Variants in ANKIB1 observed in about 807,000 individuals in gnomAD.
The protein encoded by ANKIB1 is ankyrin repeat and IBR domain containing 1.
In ANKIB1, 43 loss-of-function variants were observed where a neutral mutation model predicts 122.1. The ratio of observed to expected loss-of-function variants is 0.35; its 90% confidence interval spans 0.28 to 0.45. The LOEUF is 0.45. ANKIB1 is among the 20% of genes least tolerant of loss of function. The pLI is 1.00. For synonymous variants in ANKIB1, 390 were observed against 442.0 expected (o/e 0.88, Z 1.48); for missense variants, 992 against 1,329.5 (o/e 0.75, Z 3.95).
chr7:92,277,439 A>G (rs757450445), intron 1 of ANKIB1, among the ~76,000 whole-genome samples: 1 of 152,198 alleles, frequency 6.6e-6, no homozygotes, highest in Non-Finnish European at 1.5e-5. Flanking sequence ...TAACCCCATC[A>G]TAAGTCGAGG....
At chr7:92,260,225 T>C (rs922333578) in intron 1 of ANKIB1, among the ~76,000 whole-genome samples, 37 of 152,218 alleles carry the variant, frequency 2.4e-4, no homozygotes, top group Admixed American at 2.2e-3. Flanking sequence ...CCTACTAGTT[T>C]CTTCCTTACT....
intron 2 of ANKIB1, among the ~76,000 whole-genome samples, chr7:92,306,266 G>T (rs963931365): frequency 6.6e-6 from 1 of 152,072 alleles, no homozygotes; most frequent in African/African-American, 2.4e-5. Context: ...TGGCAGCACT[G>T]CATTCCTTTT....
chr7:92,292,792 A>G (rs1802278126), intron 1 of ANKIB1, among the ~76,000 whole-genome samples: 1 of 152,256 alleles, frequency 6.6e-6, no homozygotes, highest in Non-Finnish European at 1.5e-5. Context: ...ATATGCATAC[A>G]TATTTTATAC....
chr7:92,340,474 A>G (rs1803414022), intron 5 of ANKIB1, among the ~76,000 whole-genome samples: 1 of 152,250 alleles, frequency 6.6e-6, no homozygotes, highest in African/African-American at 2.4e-5. Flanking sequence ...GAAAGGATAT[A>G]TAATTCATTA....
intron 3 of ANKIB1, among the ~76,000 whole-genome samples, chr7:92,314,771 G>A (rs1422080263): frequency 6.6e-6 from 1 of 152,150 alleles, no homozygotes; most frequent in Non-Finnish European, 1.5e-5. Flanking sequence ...AGAAACCTCA[G>A]ACCAATAAAA....
chr7:92,348,150 GTCT>G (rs1803580172), intron 7 of ANKIB1: 1 of 276,064 alleles, frequency 3.6e-6, no homozygotes, highest in African/African-American at 2.3e-5. Context: ...CTTCAATGAG[GTCT>G]TCTCAGTTCT....
At chr7:92,391,138 A>AT (rs530415288) in intron 15 of ANKIB1, 28 bp from the exon 16 acceptor site, 75,538 of 949,470 alleles carry the variant, frequency 0.08, no homozygotes, top group South Asian at 0.099. Flanking sequence ...GAAGCCTGTG[A>AT]TTTTTTTTTT....
intron 11 of ANKIB1, among the ~76,000 whole-genome samples, chr7:92,386,292 T>A (rs546522665): frequency 6.6e-5 from 10 of 152,304 alleles, no homozygotes; most frequent in African/African-American, 1.9e-4. Context: ...TTTTAATATA[T>A]CCCTATAAAC....
intron 1 of ANKIB1, among the ~76,000 whole-genome samples, chr7:92,258,073 C>T (rs145556903): frequency 2.3e-4 from 35 of 152,058 alleles, no homozygotes; most frequent in African/African-American, 6.3e-4. Context: ...TATGATATTC[C>T]GATTTGAAAA....
intron 9 of ANKIB1, 27 bp downstream of exon 9, chr7:92,352,669 C>T (rs1222155156): frequency 1.9e-6 from 3 of 1,573,420 alleles, no homozygotes; most frequent in East Asian, 4.5e-5. Flanking sequence ...TTGGAATCAG[C>T]CTAATCACCT....
intron 1 of ANKIB1, among the ~76,000 whole-genome samples, chr7:92,278,183 C>A (rs1403554309): frequency 6.6e-6 from 1 of 151,802 alleles, no homozygotes; most frequent in Non-Finnish European, 1.5e-5. Flanking sequence ...CCCAGGAGTT[C>A]AAGGTTTCAG....
intron 1 of ANKIB1, among the ~76,000 whole-genome samples, chr7:92,291,581 T>C (rs1562772833): frequency 6.8e-6 from 1 of 147,478 alleles, no homozygotes; most frequent in Non-Finnish European, 1.5e-5. Context: ...TTTTTTTTTT[T>C]TTTTTTTGAG....
intron 11 of ANKIB1, among the ~76,000 whole-genome samples, chr7:92,381,261 A>T (rs1804507281): frequency 6.6e-6 from 1 of 152,196 alleles, no homozygotes; most frequent in South Asian, 2.1e-4. Flanking sequence ...AAATATACGT[A>T]CAATTGGTGT....
At chr7:92,390,270 A>T (rs1214429923) in intron 15 of ANKIB1, among the ~76,000 whole-genome samples, 154 bp downstream of exon 15, 7 of 152,216 alleles carry the variant, frequency 4.6e-5, no homozygotes, top group Non-Finnish European at 8.8e-5. Flanking sequence ...AGGAAAAGTT[A>T]CCAGTAACAA....
At chr7:92,270,819 A>C (rs1402267343) in intron 1 of ANKIB1, among the ~76,000 whole-genome samples, 1 of 146,468 alleles carries the variant, frequency 6.8e-6, no homozygotes, top group African/African-American at 2.5e-5. Context: ...TGCATTCAGC[A>C]TGATACCTTT....
chr7:92,354,521 A>G (rs147730842), intron 9 of ANKIB1, among the ~76,000 whole-genome samples: 15 of 152,346 alleles, frequency 9.8e-5, no homozygotes, highest in Non-Finnish European at 1.9e-4. Context: ...CCAGAGAGGA[A>G]GAGACTTAAA....
At chr7:92,285,430 G>C (rs1199858574) in intron 1 of ANKIB1, among the ~76,000 whole-genome samples, 2 of 152,096 alleles carry the variant, frequency 1.3e-5, no homozygotes, top group Non-Finnish European at 2.9e-5. Context: ...TTTTTATATT[G>C]GTGGACGTTT....
intron 1 of ANKIB1, among the ~76,000 whole-genome samples, chr7:92,291,657 A>G (rs1802253542): frequency 6.7e-6 from 1 of 150,066 alleles, no homozygotes. Context: ...GCTCGCTGCA[A>G]GCTCCACCTC....
At position 92,307,457 on chromosome 7, in the gene ANKIB1, A is replaced by G. The variant is rs753894913; in HGVS notation, c.287A>G (p.Glu96Gly). The stretch of plus-strand genomic sequence containing the variant: ...ATGGGACCTCAAATTATGATATCTG[A>G]AGGAGCCCTTCATCCTCGCTTGGCA... Reference protein sequence around the residue: ...LCMGPQIMISEGALHPRLARP... With the variant: ...LCMGPQIMISGGALHPRLARP... The change falls in exon 3 of 20, where the codon GAA (glutamate) becomes GGA (glycine). Residue 96 changes from glutamate to glycine, a missense_variant. Glu to Gly is a moderately conservative substitution (Grantham distance 98). Coordinates refer to ENST00000265742, the MANE Select transcript of ANKIB1 (RefSeq NM_019004.2). The G allele has an allele frequency of 4.5e-5, 72 of 1,613,890 alleles. No individual in the cohort carries two copies. The highest frequency in any genetic ancestry group is 6.0e-5 in the Non-Finnish European group (71 of 1,179,888).
Sources: allele counts gnomAD v4.1 joint callset (sites outside exome capture counted in the v4.1 genomes callset), GRCh38; gene constraint gnomAD v4.1.1; transcripts MANE v1.5; gene names NCBI Gene and HGNC (gene_info 2026-07-23, HGNC 2026-07-21).